The following SLC9A8 variants were observed in gnomAD, a reference collection of about 807,000 sequenced individuals.
SLC9A8 encodes the protein sodium/hydrogen exchanger 8.
In SLC9A8, 48 loss-of-function variants were observed where a neutral mutation model predicts 66.6. That is an observed-to-expected ratio of 0.72 (90% CI 0.57 to 0.92). The LOEUF (loss-of-function observed/expected upper bound fraction) is 0.92. Among genes scored for constraint, SLC9A8 ranks in the 40% least tolerant of loss-of-function variants. The probability of loss-of-function intolerance (pLI) is 0.00; values close to 1 mark genes in which losing one functional copy is unlikely to be tolerated. For missense variants in SLC9A8, 599 were observed against 747.3 expected (o/e 0.80, Z 2.31); for synonymous variants, 274 against 282.6 (o/e 0.97, Z 0.31).
At chr20:49,847,302 A>G (rs2146599141) in intron 5 of SLC9A8, among the ~76,000 whole-genome samples, 1 of 152,316 alleles carries the variant, frequency 6.6e-6, no homozygotes, top group South Asian at 2.1e-4. Context: ...AAATATTTCA[A>G]AACATGCTGA....
At chr20:49,884,921 T>C (rs1266730128) in intron 14 of SLC9A8, among the ~76,000 whole-genome samples, 1 of 152,180 alleles carries the variant, frequency 6.6e-6, no homozygotes, top group Non-Finnish European at 1.5e-5. Flanking sequence ...CACCATGCAT[T>C]TCTGGACATG....
chr20:49,818,209 TG>T, intron 2 of SLC9A8, among the ~76,000 whole-genome samples: 1 of 152,310 alleles, frequency 6.6e-6, no homozygotes, highest in East Asian at 1.9e-4. Context: ...AATACATCTT[TG>T]GGGCCAGAAA....
At chr20:49,842,339 A>G (rs1219389453) in intron 4 of SLC9A8, among the ~76,000 whole-genome samples, 1 of 152,188 alleles carries the variant, frequency 6.6e-6, no homozygotes, top group Non-Finnish European at 1.5e-5. Context: ...AAGTGCTGGG[A>G]TTACAGGCAT....
chr20:49,859,477 T>G (rs1346489645), intron 8 of SLC9A8, among the ~76,000 whole-genome samples: 2 of 133,896 alleles, frequency 1.5e-5, no homozygotes, highest in African/African-American at 5.1e-5. Flanking sequence ...CGCCTCCCCC[T>G]CCACCTTTTT....
Position 49,892,167 on chromosome 20 carries a change from G to T in SLC9A8, c.*4231G>T, listed in dbSNP as rs1450544135. ...CGTCATCTCGTTGGACTCTTTAAGGGAGTCAGGAATAGATGTATGAACAGT... is the reference window on the plus strand; with the variant it reads ...CGTCATCTCGTTGGACTCTTTAAGGTAGTCAGGAATAGATGTATGAACAGT... On this transcript the variant is annotated 3_prime_UTR_variant, in exon 16 of 16. Coordinates refer to ENST00000361573, the MANE Select transcript of SLC9A8 (RefSeq NM_015266.3). 2.0e-5 allele frequency: 3 copies of T among 152,210 alleles called. No individual in the cohort carries two copies. The highest frequency in any genetic ancestry group is 2.0e-4 in the Admixed American group (3 of 15,286). The allele number at this position is 152,210 out of a possible 1,614,324, so 9.4% of individuals were successfully genotyped here.
chr20:49,819,217 G>C (rs951238140), intron 2 of SLC9A8, among the ~76,000 whole-genome samples: 1 of 152,122 alleles, frequency 6.6e-6, no homozygotes, highest in Non-Finnish European at 1.5e-5. Flanking sequence ...AAACTTAATG[G>C]AGTTATTATG....
intron 5 of SLC9A8, among the ~76,000 whole-genome samples, chr20:49,848,707 A>G (rs568194926): frequency 6.6e-6 from 1 of 152,370 alleles, no homozygotes; most frequent in African/African-American, 2.4e-5. Context: ...GAAACATTTT[A>G]TCTGACATAG....
At chr20:49,874,276 TG>T (rs910919793) in intron 10 of SLC9A8, among the ~76,000 whole-genome samples, 2 of 150,236 alleles carry the variant, frequency 1.3e-5, no homozygotes, top group African/African-American at 4.9e-5. Flanking sequence ...AAAAAAAGGG[TG>T]GGGGGGTAGT....
At chr20:49,880,634 G>A (rs1447288797) in intron 12 of SLC9A8, among the ~76,000 whole-genome samples, 1 of 152,166 alleles carries the variant, frequency 6.6e-6, no homozygotes, top group Admixed American at 6.5e-5. Context: ...TTGTTCTGCT[G>A]TCATTACTAA....
At chr20:49,884,102 G>T in intron 14 of SLC9A8, 36 bp downstream of exon 14, 1 of 1,583,448 alleles carries the variant, frequency 6.3e-7, no homozygotes, top group Non-Finnish European at 8.7e-7. Context: ...GGGGCAGGGG[G>T]CTGGCCTGCT....
At chr20:49,869,045 C>T (rs1397850489) in intron 10 of SLC9A8, among the ~76,000 whole-genome samples, 2 of 152,128 alleles carry the variant, frequency 1.3e-5, no homozygotes, top group Non-Finnish European at 2.9e-5. Flanking sequence ...CCACTTTGGC[C>T]TCTGACACTA....
intron 13 of SLC9A8, 46 bp downstream of exon 13, chr20:49,881,081 AG>A: frequency 1.5e-6 from 2 of 1,337,922 alleles, no homozygotes; most frequent in Non-Finnish European, 2.2e-6. Context: ...ACCTGTTAAA[AG>A]CACGCCCCAT....
chr20:49,877,961 C>G lies in SLC9A8; in HGVS notation c.1076-20C>G. On this transcript the variant is annotated intron_variant, in intron 11 of 15. Transcript: ENST00000361573. The stretch of plus-strand genomic sequence containing the variant: ...ATGAAATCATTGGGGTTGAATAATC[C>G]ATTCTTTGGTTTGTTTCAGAAACAT... The G allele has an allele frequency of 6.5e-7, 1 of 1,549,834 alleles. No homozygotes were observed. The highest frequency in any genetic ancestry group is 8.7e-7 in the Non-Finnish European group (1 of 1,143,646).
At chr20:49,884,225 C>CACACACACG (rs2089749307) in intron 14 of SLC9A8, 159 bp downstream of exon 14, 2 of 242,124 alleles carry the variant, frequency 8.3e-6, no homozygotes, top group Non-Finnish European at 1.5e-5. Context: ...CACACACACA[C>CACACACACG]ACACACACAC....
rs1568775804 is a variant in SLC9A8 at position 49,812,928 on chromosome 20, G to A, written c.6G>A (p.Gly2=). 5.4e-6 allele frequency: 8 copies of A among 1,480,618 alleles called. No individual in the cohort carries two copies. In the East Asian group the frequency reaches 2.3e-4, roughly 43 times the overall value. The allele number at this position is 1,480,618 out of a possible 1,614,324, so 91.7% of individuals were successfully genotyped here. The part of the protein sequence containing the change: M[G]EKMAEEERFP... ...GGTCCTGGAAGCTCCGCAGGATGGG[G>A]GAGAAGATGGCGGAAGAGGAGTGAG... The change falls in exon 1 of 16, where the codon GGG becomes GGA. Residue 2 remains glycine (G), a synonymous_variant. Transcript: ENST00000361573.
intron 10 of SLC9A8, among the ~76,000 whole-genome samples, chr20:49,869,299 G>A (rs1480082682): frequency 6.6e-6 from 1 of 151,482 alleles, no homozygotes; most frequent in Non-Finnish European, 1.5e-5. Context: ...GGCTCACTGC[G>A]ACCTCTGCCT....
At chr20:49,884,886 C>T (rs557599882) in intron 14 of SLC9A8, among the ~76,000 whole-genome samples, 1 of 152,236 alleles carries the variant, frequency 6.6e-6, no homozygotes, top group Non-Finnish European at 1.5e-5. Flanking sequence ...GCTGTAGGCT[C>T]CAGCCCAGAG....
At chr20:49,855,963 T>A (rs992280027) in intron 8 of SLC9A8, among the ~76,000 whole-genome samples, 1 of 151,968 alleles carries the variant, frequency 6.6e-6, no homozygotes, top group African/African-American at 2.4e-5. Context: ...GCTAATTTTT[T>A]AAGAAGTTTT....
intron 4 of SLC9A8, among the ~76,000 whole-genome samples, chr20:49,841,024 G>T (rs563226002): frequency 7.2e-5 from 11 of 151,912 alleles, no homozygotes; most frequent in Non-Finnish European, 1.3e-4. Flanking sequence ...TTAGATTTTG[G>T]GCGGGTGCGG....
Sources: gnomAD v4.1 joint callset for allele counts (sites outside exome capture counted in the v4.1 genomes callset) on GRCh38, gnomAD v4.1.1 for gene constraint, MANE v1.5 for transcripts, NCBI Gene and HGNC (gene_info 2026-07-23, HGNC 2026-07-21) for gene names.